Variants in NBPF3 observed in about 807,000 individuals in gnomAD.
The protein encoded by NBPF3 is NBPF family member NBPF3.
In NBPF3, 57 loss-of-function variants were observed where a neutral mutation model predicts 78.1. The observed-to-expected ratio is 0.73, with a 90% CI of 0.59 to 0.91. The LOEUF (loss-of-function observed/expected upper bound fraction) is 0.91, where lower values mean the gene tolerates loss of function less well. Ranked by LOEUF, NBPF3 falls within the 40% of genes least tolerant of loss-of-function variation. The probability of loss-of-function intolerance (pLI) is 0.00; values close to 1 mark genes in which losing one functional copy is unlikely to be tolerated. For missense variants in NBPF3, 510 were observed against 715.3 expected (o/e 0.71, Z 3.27); for synonymous variants, 182 against 271.7 (o/e 0.67, Z 3.25).
At chr1:21,454,544 C>T (rs1641491657) in intron 2 of NBPF3, among the ~76,000 whole-genome samples, 1 of 152,136 alleles carries the variant, frequency 6.6e-6, no homozygotes, top group Non-Finnish European at 1.5e-5. Context: ...GATACAGTGA[C>T]CCCAAATTCA....
chr1:21,439,495 A>T (rs549775059), upstream of NBPF3, among the ~76,000 whole-genome samples: 5 of 152,216 alleles, frequency 3.3e-5, no homozygotes, highest in South Asian at 2.1e-4. Context: ...ATCTCAAAAA[A>T]AAAAATAAAA....
Position 21,468,957 on chromosome 1 carries a change from G to A in NBPF3, c.343+60G>A, listed in dbSNP as rs2147981245. 3.1e-6 allele frequency: 4 copies of A among 1,279,390 alleles called. No homozygotes were observed. In the East Asian group the frequency reaches 9.3e-5, roughly 30 times the overall value. The allele number at this position is 1,279,390 out of a possible 1,614,324, so 79.3% of individuals were successfully genotyped here. A position where few individuals can be genotyped will look rare whatever the true frequency, so the allele number is the denominator to read the frequency against. On this transcript the variant is annotated intron_variant, in intron 3 of 14. Coordinates refer to ENST00000318249, the MANE Select transcript of NBPF3 (RefSeq NM_032264.6). ...GAATGATGTCCTGTCTTCTCGCTGA[G>A]AAACTAAATGCTCTCTCCATCAAAA...
chr1:21,443,077 A>G lies in NBPF3; in HGVS notation c.-139-1871A>G, dbSNP rs143444196. Among the ~76,000 whole-genome samples, 237 of 152,272 alleles carry G rather than the reference A, an allele frequency of 1.6e-3. 2 individuals are homozygous for G. The highest frequency in any genetic ancestry group is 5.1e-3 in the African/African-American group (214 of 41,562). On this transcript the variant is annotated intron_variant, in intron 1 of 14. Transcript: ENST00000318249. ...TTTTCTTCATAAATCGATTGACTGT[A>G]TGGTCATCTGATTTATGAAATTAGT...
chr1:21,461,552 C>T (rs1641951425), intron 2 of NBPF3, among the ~76,000 whole-genome samples: 2 of 152,086 alleles, frequency 1.3e-5, no homozygotes, highest in South Asian at 4.1e-4. Context: ...GCTCTGCCTC[C>T]CAGGTTCAAA....
At position 21,460,908 on chromosome 1, in the gene NBPF3, C is replaced by A. The variant is rs1641913584; in HGVS notation, c.134-7780C>A. 6.6e-6 allele frequency among the ~76,000 whole-genome samples: 1 copy of A among 152,072 alleles called. No individual in the cohort carries two copies. Among genetic ancestry groups the A allele is most frequent in the African/African-American group, 2.4e-5 (1 of 41,400 alleles). Reference sequence around the variant, plus strand: ...GGATGCATTCAAAATATATAAAGAACTCCTATAGGTTACAAGAAAATGACA... The same window carrying A: ...GGATGCATTCAAAATATATAAAGAAATCCTATAGGTTACAAGAAAATGACA... On this transcript the variant is annotated intron_variant, in intron 2 of 14. Coordinates refer to ENST00000318249, the MANE Select transcript of NBPF3 (RefSeq NM_032264.6). The surrounding 1 kb of genome is among the most constrained non-coding windows in gnomAD (Gnocchi z 4.2).
At chr1:21,459,998 A>G in intron 2 of NBPF3, 1 of 87,902 alleles carries the variant, frequency 1.1e-5, no homozygotes, top group Non-Finnish European at 2.8e-5. Flanking sequence ...GCCCAGATGG[A>G]GGGTGAGTCC....
intron 11 of NBPF3, among the ~76,000 whole-genome samples, chr1:21,480,697 T>C (rs1253759634): frequency 1.3e-5 from 2 of 152,310 alleles, no homozygotes; most frequent in South Asian, 2.1e-4. Flanking sequence ...TTGGGATAAA[T>C]GATTTTGGGA....
intron 8 of NBPF3, 37 bp from the exon 9 acceptor site, chr1:21,478,107 A>T: frequency 1.9e-6 from 3 of 1,613,082 alleles, no homozygotes; most frequent in Non-Finnish European, 2.5e-6. Context: ...TCTGTTGGTT[A>T]TATCTTCTGT....
chr1:21,468,632 C>T, intron 2 of NBPF3, 56 bp from the exon 3 acceptor site: 2 of 1,611,700 alleles, frequency 1.2e-6, no homozygotes, highest in Admixed American at 3.3e-5. Context: ...CCTGATTAAA[C>T]CTATTTGATT....
At position 21,470,725 on chromosome 1, in the gene NBPF3, A is replaced by C. The variant is rs149510666; in HGVS notation, c.437A>C (p.Glu146Ala). 47 of 1,597,004 alleles carry C rather than the reference A, an allele frequency of 2.9e-5. No individual in the cohort carries two copies. In the African/African-American group the frequency reaches 6.0e-4, roughly 21 times the overall value. Residue 146 changes from glutamate to alanine, a missense_variant, in exon 4 of 15, where the codon GAG becomes GCG. Physicochemically the swap from Glu to Ala is moderately radical, Grantham distance 107 (BLOSUM62 -1). This residue lies in a region of NBPF3 where 440 missense variants were observed against 478.2 expected (regional missense o/e 0.92). Coordinates refer to ENST00000318249, the MANE Select transcript of NBPF3 (RefSeq NM_032264.6). ...EKLAEELGQA[E>A]ELRQYKVLVH... Reference sequence around the variant, plus strand: ...CTTGCAGAGGAGCTCGGGCAAGCTGAGGAGCTCAGGTGAGTGGGCCCCCTG... The same window carrying C: ...CTTGCAGAGGAGCTCGGGCAAGCTGCGGAGCTCAGGTGAGTGGGCCCCCTG...
At chr1:21,483,119 C>T in intron 14 of NBPF3, 24 bp from the exon 15 acceptor site, 7 of 1,612,556 alleles carry the variant, frequency 4.3e-6, no homozygotes, top group Non-Finnish European at 5.9e-6. Flanking sequence ...CTGGCTGCTT[C>T]TTTAGTTTTG....
intron 2 of NBPF3, among the ~76,000 whole-genome samples, chr1:21,459,555 T>C (rs545563620): frequency 2.6e-5 from 4 of 151,924 alleles, no homozygotes; most frequent in Non-Finnish European, 4.4e-5. Context: ...TTGGCAGCAA[T>C]AGGGGTGTGG....
chr1:21,437,384 C>T (rs1640445898), upstream of NBPF3: 1 of 809,914 alleles, frequency 1.2e-6, no homozygotes. Flanking sequence ...GGTGAGAGCA[C>T]ATTGGGGAGT....
Position 21,445,093 on chromosome 1 carries a change from C to T in NBPF3, c.7C>T (p.Leu3=). MP[L]TPTVQGFQWT... ...CTTGGCCTCCACACTGGGGATGCCA[C>T]TGACTCCCACTGTCCAGGGCTTCCA... is the stretch of plus-strand genomic sequence containing the variant. Residue 3 remains leucine, a synonymous_variant, in exon 2 of 15, where the codon CTG becomes TTG. Coordinates refer to ENST00000318249, the MANE Select transcript of NBPF3 (RefSeq NM_032264.6). 3 of 1,611,384 alleles carry T rather than the reference C, an allele frequency of 1.9e-6. No homozygotes were observed. Among genetic ancestry groups the T allele is most frequent in the Non-Finnish European group, 2.5e-6 (3 of 1,179,468 alleles).
At chr1:21,472,600 A>AT (rs1357845356) in intron 5 of NBPF3, among the ~76,000 whole-genome samples, 1 of 152,250 alleles carries the variant, frequency 6.6e-6, no homozygotes, top group African/African-American at 2.4e-5. Context: ...AGCCTCCATG[A>AT]TATGGGGAGC....
chr1:21,438,366 G>C (rs946172270), upstream of NBPF3, among the ~76,000 whole-genome samples: 2 of 152,122 alleles, frequency 1.3e-5, no homozygotes, highest in Non-Finnish European at 2.9e-5. Flanking sequence ...CACCCGCTTC[G>C]GCCACCCAAA....
chr1:21,458,365 CTT>C lies in NBPF3; in HGVS notation c.134-10307_134-10306del, dbSNP rs35837630. ...CCAGCCTTTGTAATAAGGGCATGGG[CTT>C]TTTTTTTTTTTTTTTCCTCTTAATA... On this transcript the variant is annotated intron_variant, in intron 2 of 14. Transcript: ENST00000318249. Among the ~76,000 whole-genome samples, 202 of 131,934 alleles carry C rather than the reference CTT, an allele frequency of 1.5e-3. 1 individual carries two copies. Among genetic ancestry groups the C allele is most frequent in the Middle Eastern group, 7.7e-3 (2 of 260 alleles). 86.6% of individuals were successfully genotyped at this position (131,934 alleles called of 152,430 possible).
upstream of NBPF3, among the ~76,000 whole-genome samples, chr1:21,439,152 G>A (rs1475920053): frequency 2.0e-5 from 3 of 152,126 alleles, no homozygotes; most frequent in Admixed American, 6.5e-5. Flanking sequence ...GGTGGCACAC[G>A]CCTGTAGTCC....
chr1:21,478,905 G>A lies in NBPF3; in HGVS notation c.1157-444G>A, dbSNP rs1043533874. ...AAGCCATGATAGCTGATGCTTCTGT[G>A]TAGAACCAAGTGTCACTTTGACTCA... On this transcript the variant is annotated intron_variant, in intron 9 of 14. Transcript: ENST00000318249. 3.3e-5 allele frequency among the ~76,000 whole-genome samples: 5 copies of A among 152,292 alleles called. 1 individual carries two copies. Among genetic ancestry groups the A allele is most frequent in the Admixed American group, 3.3e-4 (5 of 15,310 alleles).
Sources: gnomAD v4.1 joint callset for allele counts (sites outside exome capture counted in the v4.1 genomes callset) on GRCh38, gnomAD v4.1.1 for gene constraint, gnomAD v4.1.1 regional missense constraint, Gnocchi (gnomAD v3.1) non-coding constraint, MANE v1.5 for transcripts, NCBI Gene and HGNC (gene_info 2026-07-23, HGNC 2026-07-21) for gene names.